Variants in LRP2 observed in about 807,000 individuals in gnomAD.
LRP2 encodes the protein LDL receptor related protein 2.
Under a neutral mutation model 531.0 loss-of-function variants are expected in LRP2, and 172 were observed. That is an observed-to-expected ratio of 0.32 (90% CI 0.29 to 0.37). The LOEUF (loss-of-function observed/expected upper bound fraction) is 0.37, where lower values mean the gene tolerates loss of function less well. Ranked by LOEUF, LRP2 falls within the 10% of genes least tolerant of loss-of-function variation. The pLI is 1.00. For synonymous variants in LRP2, 1,992 were observed against 2,027.6 expected, an observed-to-expected ratio of 0.98 and a Z score of 0.47; for missense variants, 5,167 against 5,868.3, an observed-to-expected ratio of 0.88 and a Z score of 3.90.
intron 1 of LRP2, among the ~76,000 whole-genome samples, chr2:169,328,606 T>G (rs190642902): frequency 5.9e-5 from 9 of 152,298 alleles, no homozygotes; most frequent in African/African-American, 2.2e-4. Context: ...TATTGTTTAC[T>G]GAGTACCTAC....
intron 1 of LRP2, among the ~76,000 whole-genome samples, chr2:169,346,345 C>T (rs973795236): frequency 2.0e-5 from 3 of 151,972 alleles, no homozygotes; most frequent in African/African-American, 4.8e-5. Context: ...TCTTAGCTTT[C>T]AATGATTACT....
chr2:169,293,467 G>C (rs1684053157), intron 6 of LRP2, among the ~76,000 whole-genome samples: 1 of 152,122 alleles, frequency 6.6e-6, no homozygotes, highest in Admixed American at 6.5e-5. Context: ...CTTGAGATCA[G>C]GAGTTCGAGA....
intron 29 of LRP2, among the ~76,000 whole-genome samples, chr2:169,235,165 G>C (rs1296317838): frequency 1.3e-5 from 2 of 151,548 alleles, no homozygotes; most frequent in African/African-American, 4.9e-5. Context: ...ACCAACCTCA[G>C]CCTCCCAAAG....
Position 169,129,024 on chromosome 2 carries a change from T to C in LRP2, c.13789A>G (p.Ile4597Val), listed in dbSNP as rs1196994969. Residue 4597 changes from isoleucine to valine, a missense_variant, in exon 78 of 79, where the codon ATC (isoleucine) becomes GTC (valine). Physicochemically the swap from Ile to Val is conservative, Grantham distance 29. Coordinates refer to ENST00000649046, the MANE Select transcript of LRP2 (RefSeq NM_004525.3). ...TTGTTAAAAATTACCTGTGCATAGA[T>C]TGGATTTTCAAAGTTGGTAGTTTGT... ...SKQTTNFENP[I>V]YAQMENEQKE... is the part of the protein sequence containing the mutation. 6.2e-7 allele frequency: 1 copy of C among 1,610,538 alleles called. No homozygotes were observed. Among genetic ancestry groups the C allele is most frequent in the Non-Finnish European group, 8.5e-7 (1 of 1,176,850 alleles).
At chr2:169,183,065 C>T (rs1209978619) in intron 50 of LRP2, among the ~76,000 whole-genome samples, 4 of 152,178 alleles carry the variant, frequency 2.6e-5, no homozygotes, top group Non-Finnish European at 5.9e-5. Flanking sequence ...GGGCTTTCAC[C>T]AGAGTCTTAT....
intron 68 of LRP2, among the ~76,000 whole-genome samples, chr2:169,149,577 C>T (rs931509613): frequency 2.0e-5 from 3 of 152,080 alleles, no homozygotes; most frequent in Non-Finnish European, 2.9e-5. Context: ...TGGCTCACAC[C>T]TGTAATCCCA....
chr2:169,351,452 T>C (rs556951031), intron 1 of LRP2, among the ~76,000 whole-genome samples: 4 of 152,222 alleles, frequency 2.6e-5, no homozygotes, highest in African/African-American at 9.6e-5. Flanking sequence ...ATCTAGAACA[T>C]GAATGAAATG....
At chr2:169,213,561 TA>T (rs1317211814) in intron 36 of LRP2, 95 bp downstream of exon 36, 4 of 965,928 alleles carry the variant, frequency 4.1e-6, no homozygotes, top group Non-Finnish European at 6.8e-6. Flanking sequence ...CACGTGTATG[TA>T]CGTGAAACTG....
chr2:169,187,986 G>C lies in LRP2; in HGVS notation c.9312C>G (p.Ser3104Arg). The C allele has an allele frequency of 1.2e-6, 2 of 1,613,934 alleles. No individual in the cohort carries two copies. Among genetic ancestry groups the C allele is most frequent in the East Asian group, 4.5e-5 (2 of 44,868 alleles). The change falls in exon 49 of 79, where the codon AGC becomes AGG. Residue 3104 changes from serine to arginine, a missense_variant. Ser to Arg is a moderately radical substitution (Grantham distance 110, BLOSUM62 -1). This residue lies in a region of LRP2 where 1,129 missense variants were observed against 1,362.7 expected (regional missense o/e 0.83). Transcript: ENST00000649046. Reference protein sequence around the residue: ...CNHLDDCLDNSDEKGCGINEC... With the variant: ...CNHLDDCLDNRDEKGCGINEC... ...TGTACTCACCACAGCCTTTCTCATC[G>C]CTGTTGTCCAAACAGTCATCTAGGT... is the stretch of plus-strand genomic sequence containing the variant.
chr2:169,362,248 G>T, intron 1 of LRP2, 73 bp downstream of exon 1: 2 of 1,342,654 alleles, frequency 1.5e-6, no homozygotes, highest in African/African-American at 1.5e-5. Flanking sequence ...CTCCCCTCCG[G>T]CCTCCCGCGG....
chr2:169,222,808 G>A (rs1437372620), intron 33 of LRP2, among the ~76,000 whole-genome samples: 4 of 152,068 alleles, frequency 2.6e-5, no homozygotes, highest in African/African-American at 9.7e-5. Context: ...GGCCACTGCA[G>A]GTAACTGAAA....
intron 24 of LRP2, among the ~76,000 whole-genome samples, chr2:169,242,666 A>C (rs769040547): frequency 6.6e-6 from 1 of 152,200 alleles, no homozygotes; most frequent in African/African-American, 2.4e-5. Flanking sequence ...AACCTACTAA[A>C]GTGGGAAGTC....
At chr2:169,336,605 C>A (rs1000457538) in intron 1 of LRP2, among the ~76,000 whole-genome samples, 1 of 152,008 alleles carries the variant, frequency 6.6e-6, no homozygotes, top group Non-Finnish European at 1.5e-5. Context: ...TGACCCCACT[C>A]CTATTCTTTT....
chr2:169,192,007 A>G lies in LRP2; in HGVS notation c.8857T>C (p.Phe2953Leu). 6.2e-7 allele frequency: 1 copy of G among 1,612,792 alleles called. No individual in the cohort carries two copies. The highest frequency in any genetic ancestry group is 8.5e-7 in the Non-Finnish European group (1 of 1,178,850). The change falls in exon 48 of 79, where the codon TTT (phenylalanine) becomes CTT (leucine). Residue 2953 changes from phenylalanine (F) to leucine (L), a missense_variant. Coordinates refer to ENST00000649046, the MANE Select transcript of LRP2 (RefSeq NM_004525.3). Reference sequence around the variant, plus strand: ...GGAGGTCTGTCATTTACACAGAGAAACTCGGAATCCGAGCAGTTTTGATTC... The same window carrying G: ...GGAGGTCTGTCATTTACACAGAGAAGCTCGGAATCCGAGCAGTTTTGATTC... ...CQNQNCSDSE[F>L]LCVNDRPPDR...
At chr2:169,320,753 T>C (rs199498576) in intron 2 of LRP2, 24 bp downstream of exon 2, 2 of 1,589,290 alleles carry the variant, frequency 1.3e-6, no homozygotes, top group Admixed American at 1.7e-5. Context: ...AAAATAGAAC[T>C]TAGCCTGGCC....
chr2:169,281,241 G>C (rs1030888975), intron 10 of LRP2, among the ~76,000 whole-genome samples: 4 of 152,150 alleles, frequency 2.6e-5, no homozygotes, highest in African/African-American at 9.7e-5. Context: ...GGCCAACATG[G>C]GGAAACCCTG....
intron 1 of LRP2, among the ~76,000 whole-genome samples, chr2:169,337,210 G>C (rs1450684138): frequency 1.3e-5 from 2 of 152,132 alleles, no homozygotes; most frequent in Non-Finnish European, 2.9e-5. Context: ...ACGGGTGTTT[G>C]CACTTTCAGC....
chr2:169,308,894 G>C (rs1275835704), intron 3 of LRP2, among the ~76,000 whole-genome samples: 7 of 152,064 alleles, frequency 4.6e-5, no homozygotes, highest in Non-Finnish European at 1.0e-4. Context: ...GTTGTTTCTT[G>C]ACTTTTTAAT....
intron 18 of LRP2, 47 bp from the exon 19 acceptor site, chr2:169,256,283 A>C: frequency 6.4e-7 from 1 of 1,567,468 alleles, no homozygotes; most frequent in Non-Finnish European, 8.8e-7. Flanking sequence ...AAACTATCAG[A>C]GCACCCTTTA....
Sources: allele counts gnomAD v4.1 joint callset (sites outside exome capture counted in the v4.1 genomes callset), GRCh38; gene constraint gnomAD v4.1.1; regional missense constraint gnomAD v4.1.1; transcripts MANE v1.5; gene names NCBI Gene and HGNC (gene_info 2026-07-23, HGNC 2026-07-21).